RALGAPA2: variants seen among roughly 807,000 people sequenced by gnomAD.
RALGAPA2 encodes the protein Ral GTPase activating protein catalytic subunit alpha 2.
Under a neutral mutation model 230.4 loss-of-function variants are expected in RALGAPA2, and 139 were observed. The observed-to-expected ratio is 0.60, with a 90% CI of 0.53 to 0.69. RALGAPA2 has a LOEUF of 0.69. RALGAPA2 is among the 30% of genes least tolerant of loss of function. The pLI is 0.00. For missense variants in RALGAPA2, 2,163 were observed against 2,276.0 expected (o/e 0.95, Z 1.01); for synonymous variants, 847 against 837.8 (o/e 1.01, Z -0.19).
chr20:20,508,654 C>G (rs1357662137), intron 33 of RALGAPA2, among the ~76,000 whole-genome samples: 1 of 152,116 alleles, frequency 6.6e-6, no homozygotes, highest in Non-Finnish European at 1.5e-5. Context: ...ACATTGATAT[C>G]AGAATTAAAC....
chr20:20,572,067 ATAT>A (rs1469135011), intron 21 of RALGAPA2, 121 bp from the exon 22 acceptor site: 2 of 664,394 alleles, frequency 3.0e-6, no homozygotes, highest in Admixed American at 5.6e-5. Context: ...AAAACCTGTA[ATAT>A]TTACAAGTTT....
chr20:20,616,882 T>C (rs771571299), intron 12 of RALGAPA2, among the ~76,000 whole-genome samples: 5 of 152,342 alleles, frequency 3.3e-5, no homozygotes, highest in Admixed American at 6.5e-5. Flanking sequence ...AGCCAACTAC[T>C]CTACCCTCTG....
At position 20,603,618 on chromosome 20, in the gene RALGAPA2, C is replaced by T. The variant is rs568728335; in HGVS notation, c.2038+1557G>A. 1.4e-4 allele frequency among the ~76,000 whole-genome samples: 21 copies of T among 152,256 alleles called. 1 individual carries two copies. The East Asian group carries it at 4.1e-3, about 29-fold the overall frequency. ...AGCCTCTGGCTGCTGAAACACGTGG[C>T]CCAGTCACACCTCATTGCCCCTGCT... On this transcript the variant is annotated intron_variant, in intron 15 of 39. Transcript: ENST00000202677.
chr20:20,660,503 A>G (rs2067738831), intron 3 of RALGAPA2, among the ~76,000 whole-genome samples: 1 of 151,764 alleles, frequency 6.6e-6, no homozygotes, highest in African/African-American at 2.4e-5. Flanking sequence ...GGAAGAGCAT[A>G]ATACAAAAGT....
rs1314852579 is a variant in RALGAPA2, at chr20:20,640,746, A to G, written c.505T>C (p.Cys169Arg). 1 of 1,613,968 alleles carries G rather than the reference A, an allele frequency of 6.2e-7. No individual in the cohort carries two copies. Among genetic ancestry groups the G allele is most frequent in the African/African-American group, 1.3e-5 (1 of 75,054 alleles). ...FPAVMSSRGP[C>R]TLETLINPSP... ...GGATTGATGAGTGTCTCCAGTGTGC[A>G]AGGGCCCCTGGATGACATGACTGCT... The change falls in exon 6 of 40, where the codon TGC becomes CGC. Residue 169 changes from cysteine to arginine, a missense_variant. Cys to Arg is a radical substitution (Grantham distance 180). Coordinates refer to ENST00000202677, the MANE Select transcript of RALGAPA2 (RefSeq NM_020343.4).
chr20:20,522,235 G>A (rs1198844232), intron 30 of RALGAPA2, among the ~76,000 whole-genome samples: 1 of 143,574 alleles, frequency 7.0e-6, no homozygotes, highest in Non-Finnish European at 1.5e-5. Context: ...CAACAGAAAT[G>A]CATACGTATA....
At chr20:20,413,260 T>C (rs1251282734) in intron 37 of RALGAPA2, among the ~76,000 whole-genome samples, 2 of 152,244 alleles carry the variant, frequency 1.3e-5, no homozygotes, top group Non-Finnish European at 1.5e-5. Flanking sequence ...AAATGGCCTC[T>C]TTAAAAATAC....
chr20:20,419,958 C>T (rs974029414), intron 37 of RALGAPA2, among the ~76,000 whole-genome samples: 6 of 152,064 alleles, frequency 3.9e-5, no homozygotes, highest in Admixed American at 2.0e-4. Context: ...GGAGGCAGAC[C>T]GAACACTAGT....
intron 39 of RALGAPA2, 64 bp from the exon 40 acceptor site, chr20:20,393,317 C>T (rs1393011891): frequency 8.6e-7 from 1 of 1,166,500 alleles, no homozygotes; most frequent in Non-Finnish European, 1.1e-6. Context: ...CCACACATTT[C>T]AGGGAGGATC....
chr20:20,580,454 G>C (rs2064951086), intron 20 of RALGAPA2, among the ~76,000 whole-genome samples: 1 of 152,046 alleles, frequency 6.6e-6, no homozygotes, highest in Non-Finnish European at 1.5e-5. Flanking sequence ...CTAGGACTGG[G>C]TACCAGGAAA....
At chr20:20,668,108 A>T (rs2068017788) in intron 3 of RALGAPA2, among the ~76,000 whole-genome samples, 1 of 152,234 alleles carries the variant, frequency 6.6e-6, no homozygotes, top group African/African-American at 2.4e-5. Context: ...TGGTCTTTCA[A>T]ACGATGAGAT....
chr20:20,403,748 C>G (rs1430263268), intron 38 of RALGAPA2, among the ~76,000 whole-genome samples: 1 of 152,180 alleles, frequency 6.6e-6, no homozygotes, highest in East Asian at 1.9e-4. Context: ...AATGACTGCA[C>G]GTGGGCTCTG....
In RALGAPA2 at chr20:20,589,269, G is replaced by T. The variant is rs1479362605; in HGVS notation, c.2438C>A (p.Thr813Lys). The part of the protein sequence containing the change: ...GHVKREHEGI[T>K]ILVRRSSSPA... ...TGAAATGGCTTGAAAATATCTTACT[G>T]TTATTCCTTCATGTTCTCTCTTCAC... The change falls in exon 18 of 40, where the codon ACA becomes AAA. Residue 813 changes from threonine to lysine, a missense_variant and splice_region_variant. Thr to Lys is a moderately conservative substitution (Grantham distance 78). Coordinates refer to ENST00000202677, the MANE Select transcript of RALGAPA2 (RefSeq NM_020343.4). 1.5e-5 allele frequency: 23 copies of T among 1,562,510 alleles called. No homozygotes were observed. The highest frequency in any genetic ancestry group is 2.0e-5 in the Non-Finnish European group (23 of 1,152,046).
chr20:20,568,355 A>G (rs569082981), intron 23 of RALGAPA2, among the ~76,000 whole-genome samples: 17 of 152,344 alleles, frequency 1.1e-4, no homozygotes, highest in African/African-American at 3.8e-4. Context: ...TACATAAGTT[A>G]TTAGGATAAC....
At chr20:20,474,283 T>C (rs747884889) in intron 36 of RALGAPA2, among the ~76,000 whole-genome samples, 18 of 152,162 alleles carry the variant, frequency 1.2e-4, no homozygotes, top group Non-Finnish European at 1.0e-4. Flanking sequence ...TAAGCAACCA[T>C]GGCTGGGGCC....
rs544205927 is a variant in RALGAPA2 at position 20,458,428 on chromosome 20, T to C, written c.5495+14401A>G. 1.5e-3 allele frequency among the ~76,000 whole-genome samples: 202 copies of C among 138,938 alleles called. 7 individuals are homozygous for C. Among genetic ancestry groups the C allele is most frequent in the African/African-American group, 5.4e-3 (191 of 35,504 alleles). 91.1% of individuals were successfully genotyped at this position (138,938 alleles called of 152,430 possible). ...TAATATATGTTATATATAATATATA[T>C]GTATTTTTTATATTACATATAATAC... On this transcript the variant is annotated intron_variant, in intron 37 of 39. Transcript: ENST00000202677.
At chr20:20,497,448 C>T (rs1460364390) in intron 35 of RALGAPA2, among the ~76,000 whole-genome samples, 1 of 152,158 alleles carries the variant, frequency 6.6e-6, no homozygotes, top group East Asian at 1.9e-4. Flanking sequence ...GCAAAGACAG[C>T]CAGCTTCAGG....
chr20:20,394,590 C>T (rs2059667594), intron 39 of RALGAPA2, among the ~76,000 whole-genome samples: 1 of 151,386 alleles, frequency 6.6e-6, no homozygotes, highest in Admixed American at 6.6e-5. Context: ...GTGATGGCTT[C>T]ACTGCACTCC....
chr20:20,577,350 C>T (rs1341344361), intron 20 of RALGAPA2, among the ~76,000 whole-genome samples: 3 of 152,110 alleles, frequency 2.0e-5, no homozygotes, highest in African/African-American at 7.2e-5. Flanking sequence ...GATCCCAAGA[C>T]ACACATAAAA....
Sources: allele counts gnomAD v4.1 joint callset (sites outside exome capture counted in the v4.1 genomes callset), GRCh38; gene constraint gnomAD v4.1.1; transcripts MANE v1.5; gene names NCBI Gene and HGNC (gene_info 2026-07-23, HGNC 2026-07-21).